Variants in GALNTL6 observed in about 807,000 individuals in gnomAD.
GALNTL6 encodes the protein polypeptide N-acetylgalactosaminyltransferase-like 6.
Under a neutral mutation model 73.7 loss-of-function variants are expected in GALNTL6, and 46 were observed. That is an observed-to-expected ratio of 0.62 (90% confidence interval 0.49 to 0.80). GALNTL6 has a LOEUF of 0.80. Ranked by LOEUF, GALNTL6 falls within the 30% of genes least tolerant of loss-of-function variation. The pLI is 0.00. For synonymous variants in GALNTL6, 259 were observed against 263.7 expected, an observed-to-expected ratio of 0.98 and a Z score of 0.17; for missense variants, 604 against 755.0, an observed-to-expected ratio of 0.80 and a Z score of 2.34.
intron 5 of GALNTL6, among the ~76,000 whole-genome samples, chr4:172,664,728 G>A (rs1186749106): frequency 2.0e-5 from 3 of 152,116 alleles, no homozygotes; most frequent in Admixed American, 6.5e-5. Flanking sequence ...CTCCAAACTA[G>A]ACTCTCTTTC....
At chr4:172,852,732 A>G (rs1410909992) in intron 7 of GALNTL6, among the ~76,000 whole-genome samples, 5 of 152,268 alleles carry the variant, frequency 3.3e-5, no homozygotes, top group East Asian at 1.9e-4. Flanking sequence ...TGTAGGTTGG[A>G]TTTTTCATTA....
chr4:172,404,221 G>A (rs1414895178), intron 5 of GALNTL6, among the ~76,000 whole-genome samples: 1 of 151,752 alleles, frequency 6.6e-6, no homozygotes, highest in Non-Finnish European at 1.5e-5. Flanking sequence ...ATTTTTATTT[G>A]CCACATCAGG....
intron 2 of GALNTL6, among the ~76,000 whole-genome samples, chr4:171,844,695 T>C (rs1735326302): frequency 6.6e-6 from 1 of 152,142 alleles, no homozygotes; most frequent in Non-Finnish European, 1.5e-5. Flanking sequence ...AGAAAGCACT[T>C]GATTTCTGTT....
At chr4:172,833,761 TG>T (rs1742762805) in intron 7 of GALNTL6, among the ~76,000 whole-genome samples, 1 of 152,168 alleles carries the variant, frequency 6.6e-6, no homozygotes, top group Admixed American at 6.5e-5. Context: ...GTCTCAAAAC[TG>T]AAGTCAGTGG....
At chr4:172,383,207 G>T (rs1285398908) in intron 5 of GALNTL6, among the ~76,000 whole-genome samples, 1 of 151,964 alleles carries the variant, frequency 6.6e-6, no homozygotes, top group African/African-American at 2.4e-5. Context: ...TTGAATCCGT[G>T]TACCAAATTG....
chr4:172,219,205 A>G lies in GALNTL6; in HGVS notation c.139-10451A>G, dbSNP rs1425321352. On this transcript the variant is annotated intron_variant, in intron 2 of 12. Transcript: ENST00000506823. ...TATGTCAGATTAAGCAAGTGTATAT[A>G]TATATATATATATATATAATCCTTC... is the stretch of plus-strand genomic sequence containing the variant. 1.4e-5 allele frequency among the ~76,000 whole-genome samples: 2 copies of G among 145,504 alleles called. 1 individual carries two copies. Among genetic ancestry groups the G allele is most frequent in the African/African-American group, 5.0e-5 (2 of 39,892 alleles).
chr4:172,150,985 A>G (rs909827494), intron 2 of GALNTL6, among the ~76,000 whole-genome samples: 1 of 152,234 alleles, frequency 6.6e-6, no homozygotes, highest in East Asian at 1.9e-4. Flanking sequence ...ACTATTTGGC[A>G]TATGACATTA....
In GALNTL6 at chr4:172,311,659, A is replaced by T; in HGVS notation, c.293A>T (p.His98Leu). The T allele has an allele frequency of 6.2e-7, 1 of 1,612,452 alleles. No individual in the cohort carries two copies. The highest frequency in any genetic ancestry group is 1.7e-4 in the Middle Eastern group (1 of 6,056). ...CCTTACCCCCTTACTGAAGAGGACCATGATGACTCAGCTTACAGGGAAAAT... is the reference window on the plus strand; with the variant it reads ...CCTTACCCCCTTACTGAAGAGGACCTTGATGACTCAGCTTACAGGGAAAAT... ...GKPYPLTEED[H>L]DDSAYRENGF... The change falls in exon 4 of 13, where the codon CAT becomes CTT. Residue 98 changes from histidine (H) to leucine (L), a missense_variant. Around this residue, in one of 5 missense-constraint regions of GALNTL6, gnomAD observed 141 missense variants for 156.6 expected, o/e 0.90. Coordinates refer to ENST00000506823, the MANE Select transcript of GALNTL6 (RefSeq NM_001034845.3).
chr4:172,256,241 T>G (rs1738072974), intron 3 of GALNTL6, among the ~76,000 whole-genome samples: 1 of 151,334 alleles, frequency 6.6e-6, no homozygotes. Flanking sequence ...CAACAACCAT[T>G]GTCTCTACCT....
At chr4:172,176,756 T>C (rs1392512097) in intron 2 of GALNTL6, among the ~76,000 whole-genome samples, 1 of 152,090 alleles carries the variant, frequency 6.6e-6, no homozygotes, top group African/African-American at 2.4e-5. Flanking sequence ...ACCGTGGCGC[T>C]CTGGCCTGGG....
At chr4:172,627,159 G>A (rs770870428) in intron 5 of GALNTL6, among the ~76,000 whole-genome samples, 6 of 151,972 alleles carry the variant, frequency 3.9e-5, no homozygotes, top group South Asian at 2.1e-4. Flanking sequence ...TTATTCTGAG[G>A]TACGTTTCTT....
intron 2 of GALNTL6, among the ~76,000 whole-genome samples, chr4:171,925,611 ACCATTTTAAGTGACTACATCT>A (rs1737951684): frequency 6.6e-6 from 1 of 152,190 alleles, no homozygotes; most frequent in South Asian, 2.1e-4. Context: ...TTTCATTTAT[ACCATTTTAAGTGACTACATCT>A]CCATTTTAGA....
At chr4:172,870,474 C>A (rs1744868360) in intron 7 of GALNTL6, among the ~76,000 whole-genome samples, 1 of 152,096 alleles carries the variant, frequency 6.6e-6, no homozygotes, top group Admixed American at 6.6e-5. Flanking sequence ...GCAAAGAATC[C>A]GTTTCTTCTG....
intron 5 of GALNTL6, among the ~76,000 whole-genome samples, chr4:172,621,687 T>G (rs1438532164): frequency 6.6e-6 from 1 of 152,222 alleles, no homozygotes. Context: ...TATTCTAAAC[T>G]AATTTTCATT....
At chr4:172,323,145 T>C (rs901250144) in intron 4 of GALNTL6, among the ~76,000 whole-genome samples, 10 of 152,178 alleles carry the variant, frequency 6.6e-5, no homozygotes, top group African/African-American at 2.2e-4. Context: ...ATTAGATTAC[T>C]AAATGTCAGT....
intron 5 of GALNTL6, among the ~76,000 whole-genome samples, chr4:172,615,630 G>A (rs1037972584): frequency 6.6e-6 from 1 of 152,090 alleles, no homozygotes; most frequent in South Asian, 2.1e-4. Flanking sequence ...GTTTTATGAT[G>A]TATGGCAAGA....
At chr4:172,024,285 A>T (rs1235082733) in intron 2 of GALNTL6, among the ~76,000 whole-genome samples, 1 of 151,828 alleles carries the variant, frequency 6.6e-6, no homozygotes, top group African/African-American at 2.4e-5. Flanking sequence ...TGAAGGCAAG[A>T]GTCATGCTTC....
At chr4:172,449,622 A>G (rs1297417166) in intron 5 of GALNTL6, among the ~76,000 whole-genome samples, 1 of 152,188 alleles carries the variant, frequency 6.6e-6, no homozygotes, top group East Asian at 1.9e-4. Context: ...TTTTCTGTCT[A>G]CAACACTGGC....
chr4:171,818,127 A>G (rs1734570868), intron 2 of GALNTL6, among the ~76,000 whole-genome samples: 1 of 151,644 alleles, frequency 6.6e-6, no homozygotes, highest in Admixed American at 6.6e-5. Flanking sequence ...TTTCTGTTTA[A>G]ACATTTGAAA....
Sources: allele counts gnomAD v4.1 joint callset (sites outside exome capture counted in the v4.1 genomes callset), GRCh38; gene constraint gnomAD v4.1.1; regional missense constraint gnomAD v4.1.1; transcripts MANE v1.5; gene names NCBI Gene and HGNC (gene_info 2026-07-23, HGNC 2026-07-21).